The following CFAP299 variants were observed in gnomAD, a reference collection of about 807,000 sequenced individuals.
CFAP299 encodes cilia- and flagella-associated protein 299.
A neutral mutation model predicts 27.0 loss-of-function variants in CFAP299; 21 were observed. The ratio of observed to expected loss-of-function variants is 0.78; its 90% CI spans 0.55 to 1.12. CFAP299 has a LOEUF of 1.12. Ranked by LOEUF, CFAP299 falls within the 50% of genes most tolerant of loss-of-function variation. The pLI is 0.00. For synonymous variants in CFAP299, 104 were observed against 98.1 expected (o/e 1.06, Z -0.36); for missense variants, 310 against 276.6 (o/e 1.12, Z -0.86).
chr4:80,526,070 A>T (rs763916418), intron 2 of CFAP299, among the ~76,000 whole-genome samples: 2 of 152,166 alleles, frequency 1.3e-5, no homozygotes, highest in East Asian at 3.8e-4. Context: ...TATAAACTGG[A>T]TCTAAAGTGA....
chr4:80,381,379 C>CTT (rs1724690877), intron 2 of CFAP299, among the ~76,000 whole-genome samples: 1 of 6,046 alleles, frequency 1.7e-4, no homozygotes, highest in African/African-American at 2.0e-4. Context: ...TTAACATATA[C>CTT]ATTTTTTTTT....
At chr4:80,766,679 C>G (rs1359965761) in intron 3 of CFAP299, among the ~76,000 whole-genome samples, 2 of 152,046 alleles carry the variant, frequency 1.3e-5, no homozygotes, top group Admixed American at 1.3e-4. Context: ...GATACTAGTT[C>G]AAAATAACCA....
At chr4:80,476,811 G>C (rs928475883) in intron 2 of CFAP299, among the ~76,000 whole-genome samples, 2 of 151,954 alleles carry the variant, frequency 1.3e-5, no homozygotes, top group African/African-American at 2.4e-5. Context: ...TGTGCTCTCT[G>C]GAGCTCTTTT....
At chr4:80,614,120 A>G (rs1029395463) in intron 3 of CFAP299, among the ~76,000 whole-genome samples, 7 of 152,102 alleles carry the variant, frequency 4.6e-5, no homozygotes, top group African/African-American at 1.7e-4. Context: ...TCATTTCTGT[A>G]TACATAACAA....
chr4:80,356,405 A>C (rs1018749261), intron 1 of CFAP299, among the ~76,000 whole-genome samples: 3 of 152,156 alleles, frequency 2.0e-5, no homozygotes, highest in Admixed American at 1.3e-4. Context: ...AATAGCATTG[A>C]ATCTATAAAT....
chr4:80,362,728 C>T, intron 1 of CFAP299, 26 bp from the exon 2 acceptor site: 1 of 1,575,148 alleles, frequency 6.3e-7, no homozygotes, highest in African/African-American at 1.4e-5. Flanking sequence ...TTTGCCCACT[C>T]ACCTAACAAC....
intron 2 of CFAP299, among the ~76,000 whole-genome samples, chr4:80,366,526 CTG>C (rs750343535): frequency 2.0e-5 from 3 of 152,188 alleles, no homozygotes; most frequent in Non-Finnish European, 2.9e-5. Context: ...GCATTAGGCT[CTG>C]TGCTGTAGGC....
intron 3 of CFAP299, among the ~76,000 whole-genome samples, chr4:80,837,527 C>T (rs1417498184): frequency 6.6e-6 from 1 of 152,104 alleles, no homozygotes; most frequent in Non-Finnish European, 1.5e-5. Flanking sequence ...CCAGTGAGAA[C>T]ATGTGGTGTT....
intron 3 of CFAP299, among the ~76,000 whole-genome samples, chr4:80,684,015 A>G (rs898378974): frequency 1.3e-5 from 2 of 152,276 alleles, no homozygotes; most frequent in East Asian, 3.9e-4. Flanking sequence ...AATTCTGTAT[A>G]TTTAAAATTG....
intron 3 of CFAP299, among the ~76,000 whole-genome samples, chr4:80,724,475 T>C (rs1365177167): frequency 6.6e-6 from 1 of 152,186 alleles, no homozygotes; most frequent in Non-Finnish European, 1.5e-5. Flanking sequence ...TGCACTAATT[T>C]GGAGCCTGGT....
intron 3 of CFAP299, among the ~76,000 whole-genome samples, chr4:80,809,564 G>A (rs1029720133): frequency 6.6e-6 from 1 of 152,038 alleles, no homozygotes; most frequent in African/African-American, 2.4e-5. Flanking sequence ...CCTAGTGCAG[G>A]CCCTTATCAC....
At chr4:80,883,045 T>A (rs1429715552) in intron 4 of CFAP299, among the ~76,000 whole-genome samples, 1 of 151,076 alleles carries the variant, frequency 6.6e-6, no homozygotes, top group Non-Finnish European at 1.5e-5. Context: ...TCATGTTCAA[T>A]TCATATAAAA....
At chr4:80,947,103 TAACTCA>T (rs1167612689) in intron 5 of CFAP299, among the ~76,000 whole-genome samples, 1 of 152,200 alleles carries the variant, frequency 6.6e-6, no homozygotes, top group African/African-American at 2.4e-5. Flanking sequence ...CAAATAATTT[TAACTCA>T]AACTCAAACT....
intron 3 of CFAP299, among the ~76,000 whole-genome samples, chr4:80,664,043 C>T (rs1741011677): frequency 6.6e-6 from 1 of 152,116 alleles, no homozygotes; most frequent in Non-Finnish European, 1.5e-5. Flanking sequence ...AGCCCTTTGT[C>T]AGATGAATAG....
At chr4:80,804,517 T>C (rs74898849) in intron 3 of CFAP299, among the ~76,000 whole-genome samples, 1,869 of 152,276 alleles carry the variant, frequency 0.012, 34 homozygotes, top group African/African-American at 0.043. Context: ...TGCTTATCCA[T>C]CCATCCTTCA....
intron 2 of CFAP299, among the ~76,000 whole-genome samples, chr4:80,553,677 T>C (rs1454660768): frequency 1.3e-5 from 2 of 152,198 alleles, no homozygotes; most frequent in Non-Finnish European, 2.9e-5. Context: ...TTTTTTGACT[T>C]TTTAATCATA....
intron 2 of CFAP299, among the ~76,000 whole-genome samples, chr4:80,529,540 G>C (rs933612072): frequency 6.6e-6 from 1 of 152,060 alleles, no homozygotes; most frequent in Non-Finnish European, 1.5e-5. Context: ...TTAGGTCCTG[G>C]TACTGTGGTT....
intron 4 of CFAP299, chr4:80,871,349 T>C (rs1733086725): frequency 8.1e-6 from 8 of 984,960 alleles, no homozygotes; most frequent in Non-Finnish European, 9.6e-6. Flanking sequence ...CCAAAGTCAA[T>C]CGATCCACAC....
chr4:80,640,256 C>T (rs893550577), intron 3 of CFAP299, among the ~76,000 whole-genome samples: 7 of 152,152 alleles, frequency 4.6e-5, no homozygotes, highest in African/African-American at 1.2e-4. Context: ...AATGGTAAGT[C>T]GTTAGGCCTG....
Sources: gnomAD v4.1 joint callset for allele counts (sites outside exome capture counted in the v4.1 genomes callset) on GRCh38, gnomAD v4.1.1 for gene constraint, MANE v1.5 for transcripts, NCBI Gene and HGNC (gene_info 2026-07-23, HGNC 2026-07-21) for gene names.